ENPP1: variants seen among roughly 807,000 people sequenced by gnomAD.
ENPP1 encodes the protein ectonucleotide pyrophosphatase/phosphodiesterase 1.
In ENPP1, 73 loss-of-function variants were observed where a neutral mutation model predicts 122.8. That is an observed-to-expected ratio of 0.59 (90% CI 0.49 to 0.72). The LOEUF (loss-of-function observed/expected upper bound fraction) is 0.72, where lower values mean the gene tolerates loss of function less well. ENPP1 is among the 30% of genes least tolerant of loss of function. ENPP1 has a pLI of 0.00. For missense variants in ENPP1, 978 were observed against 1,128.1 expected, an observed-to-expected ratio of 0.87 and a Z score of 1.91; for synonymous variants, 367 against 391.6, an observed-to-expected ratio of 0.94 and a Z score of 0.74.
intron 1 of ENPP1, among the ~76,000 whole-genome samples, chr6:131,809,174 A>C (rs1781318452): frequency 6.6e-6 from 1 of 152,210 alleles, no homozygotes; most frequent in South Asian, 2.1e-4. Flanking sequence ...TAGGGAAGTA[A>C]ATTGAAAACA....
intron 1 of ENPP1, among the ~76,000 whole-genome samples, chr6:131,841,034 C>T (rs1227451479): frequency 6.6e-6 from 1 of 152,150 alleles, no homozygotes. Flanking sequence ...TTCAGAGGAT[C>T]TTCTTCAGAT....
chr6:131,855,442 C>T (rs972875297), intron 6 of ENPP1, among the ~76,000 whole-genome samples: 1 of 152,158 alleles, frequency 6.6e-6, no homozygotes, highest in African/African-American at 2.4e-5. Flanking sequence ...TCTCGTGCCA[C>T]AGCCTCCCAA....
intron 13 of ENPP1, among the ~76,000 whole-genome samples, chr6:131,870,955 A>T (rs2114713257): frequency 6.6e-6 from 1 of 152,286 alleles, no homozygotes; most frequent in South Asian, 2.1e-4. Flanking sequence ...ATGTGCCTGC[A>T]ATCTCAGCTA....
chr6:131,841,376 A>T (rs1473046825), intron 1 of ENPP1, among the ~76,000 whole-genome samples: 1 of 152,204 alleles, frequency 6.6e-6, no homozygotes, highest in Admixed American at 6.5e-5. Flanking sequence ...CAGAGGACTG[A>T]TAGGCAATGT....
At chr6:131,837,002 G>T (rs1003515274) in intron 1 of ENPP1, among the ~76,000 whole-genome samples, 1 of 152,154 alleles carries the variant, frequency 6.6e-6, no homozygotes, top group Admixed American at 6.5e-5. Flanking sequence ...TACCTTATGT[G>T]TGGATCTGTG....
intron 6 of ENPP1, among the ~76,000 whole-genome samples, chr6:131,857,666 G>C (rs527808125): frequency 6.6e-6 from 1 of 152,044 alleles, no homozygotes; most frequent in South Asian, 2.1e-4. Flanking sequence ...GGGGTGAGGG[G>C]GGAGCGATAG....
chr6:131,880,352 A>G (rs971969754), intron 20 of ENPP1, among the ~76,000 whole-genome samples: 2 of 152,124 alleles, frequency 1.3e-5, no homozygotes, highest in Admixed American at 6.6e-5. Flanking sequence ...TCACGAGGTC[A>G]GGAGATCGAG....
At chr6:131,819,035 G>A (rs539911033) in intron 1 of ENPP1, among the ~76,000 whole-genome samples, 12 of 152,290 alleles carry the variant, frequency 7.9e-5, no homozygotes, top group Admixed American at 2.6e-4. Flanking sequence ...CCATTTGAGT[G>A]TAACAGCTTC....
chr6:131,849,153 C>G (rs1781850194), intron 2 of ENPP1, among the ~76,000 whole-genome samples: 1 of 152,086 alleles, frequency 6.6e-6, no homozygotes, highest in Non-Finnish European at 1.5e-5. Flanking sequence ...AAAGTACTTT[C>G]CTCCCATGTC....
Position 131,816,994 on chromosome 6 carries a change from A to G in ENPP1, c.240+8719A>G, listed in dbSNP as rs557920993. Among the ~76,000 whole-genome samples, 5 of 152,300 alleles carry G rather than the reference A, an allele frequency of 3.3e-5. No homozygotes were observed. In the East Asian group the frequency reaches 5.8e-4, roughly 18 times the overall value. On this transcript the variant is annotated intron_variant, in intron 1 of 24. Transcript: ENST00000647893. ...TAAAGACAGAGATTCCTAGGCTCCA[A>G]TCTCAGTGATTATGATTTAATAGAT...
intron 1 of ENPP1, among the ~76,000 whole-genome samples, chr6:131,839,917 C>T (rs1323187669): frequency 1.3e-5 from 2 of 152,098 alleles, no homozygotes; most frequent in Non-Finnish European, 2.9e-5. Context: ...TTTTCCTACT[C>T]TTGGACATTA....
intron 22 of ENPP1, among the ~76,000 whole-genome samples, chr6:131,884,031 TAC>T (rs1562185629): frequency 6.6e-6 from 1 of 152,228 alleles, no homozygotes; most frequent in East Asian, 1.9e-4. Context: ...ATCCAGCTAA[TAC>T]AGTCTGCTAA....
chr6:131,849,674 C>T (rs1251454664), intron 2 of ENPP1, among the ~76,000 whole-genome samples: 1 of 152,144 alleles, frequency 6.6e-6, no homozygotes, highest in Non-Finnish European at 1.5e-5. Context: ...TTTATTCTGA[C>T]TTTTATTTTA....
intron 1 of ENPP1, among the ~76,000 whole-genome samples, chr6:131,835,918 T>A (rs543639607): frequency 1.3e-5 from 2 of 152,326 alleles, no homozygotes; most frequent in South Asian, 2.1e-4. Flanking sequence ...CTTGTGATTA[T>A]CTTAATTTTT....
intron 11 of ENPP1, among the ~76,000 whole-genome samples, chr6:131,866,204 C>T (rs1782089358): frequency 1.3e-5 from 2 of 151,932 alleles, no homozygotes; most frequent in Admixed American, 1.3e-4. Context: ...TGATCTTGTG[C>T]CCCCTGTGAT....
rs187407011 is a variant in ENPP1, at chr6:131,878,620, G to A, written c.1945+27G>A. On this transcript the variant is annotated intron_variant, in intron 19 of 24. Transcript: ENST00000647893. Reference sequence around the variant, plus strand: ...TAAGGCATGCTACACACTCAAGCTCGGAATGTGAAGCAGGCATTTTCTCAT... The same window carrying A: ...TAAGGCATGCTACACACTCAAGCTCAGAATGTGAAGCAGGCATTTTCTCAT... 1.4e-5 allele frequency: 22 copies of A among 1,569,656 alleles called. 1 individual carries two copies. Among genetic ancestry groups the A allele is most frequent in the East Asian group, 1.3e-4 (6 of 44,640 alleles).
intron 1 of ENPP1, among the ~76,000 whole-genome samples, chr6:131,842,523 A>G (rs1781754782): frequency 6.6e-6 from 1 of 152,104 alleles, no homozygotes; most frequent in Non-Finnish European, 1.5e-5. Context: ...ATCTAAATAC[A>G]TTGCATCTTG....
At chr6:131,871,991 C>A in intron 13 of ENPP1, 79 bp from the exon 14 acceptor site, 1 of 1,067,628 alleles carries the variant, frequency 9.4e-7, no homozygotes, top group Non-Finnish European at 1.4e-6. Flanking sequence ...GAGTTTGGAT[C>A]TGACATTCTA....
At chr6:131,881,468 G>A (rs1025117344) in intron 20 of ENPP1, among the ~76,000 whole-genome samples, 3 of 152,078 alleles carry the variant, frequency 2.0e-5, no homozygotes, top group African/African-American at 2.4e-5. Context: ...CAGTCATTGC[G>A]ATGCTTGAGG....
Sources: allele counts gnomAD v4.1 joint callset (sites outside exome capture counted in the v4.1 genomes callset), GRCh38; gene constraint gnomAD v4.1.1; transcripts MANE v1.5; gene names NCBI Gene and HGNC (gene_info 2026-07-23, HGNC 2026-07-21).